Variants in NRXN2 observed in about 807,000 individuals in gnomAD.
NRXN2 encodes the protein neurexin 2, also known as neurexin-2-beta.
In NRXN2, 29 loss-of-function variants were observed where a neutral mutation model predicts 128.8. The observed-to-expected ratio is 0.23, with a 90% confidence interval of 0.17 to 0.31. The LOEUF is 0.31. Ranked by LOEUF, NRXN2 falls within the 10% of genes least tolerant of loss-of-function variation. The pLI is 1.00. For missense variants in NRXN2, 1,881 were observed against 2,452.6 expected (o/e 0.77, Z 4.92); for synonymous variants, 1,098 against 1,075.2 (o/e 1.02, Z -0.41).
intron 6 of NRXN2, among the ~76,000 whole-genome samples, chr11:64,682,945 G>A (rs1406331920): frequency 6.6e-6 from 1 of 152,076 alleles, no homozygotes; most frequent in Non-Finnish European, 1.5e-5. Context: ...ATGATTCCAG[G>A]GATAATTACC....
intron 1 of NRXN2, among the ~76,000 whole-genome samples, chr11:64,717,468 T>C (rs1040835389): frequency 3.3e-5 from 5 of 152,188 alleles, no homozygotes; most frequent in Non-Finnish European, 5.9e-5. Flanking sequence ...TCAGCAGCCT[T>C]GGGCCAGTGG....
At chr11:64,620,870 G>A (rs371981224) in intron 21 of NRXN2, among the ~76,000 whole-genome samples, 1 of 151,322 alleles carries the variant, frequency 6.6e-6, no homozygotes, top group South Asian at 2.1e-4. Flanking sequence ...AGAGAGCCGG[G>A]CTGCACACAG....
chr11:64,677,588 C>T (rs1414354593), intron 6 of NRXN2, among the ~76,000 whole-genome samples: 4 of 152,158 alleles, frequency 2.6e-5, no homozygotes, highest in African/African-American at 7.2e-5. Flanking sequence ...CACACAGAGT[C>T]GGCAACGGGG....
chr11:64,660,229 G>T lies in NRXN2; in HGVS notation c.2389+103C>A. On this transcript the variant is annotated intron_variant, in intron 11 of 22. Coordinates refer to ENST00000265459, the MANE Select transcript of NRXN2 (RefSeq NM_015080.4). The surrounding 1 kb of genome is among the most constrained non-coding windows in gnomAD (Gnocchi z 5.2). ...TCCCCACCTCCAAACTCTGCTGAGG[G>T]CACCTCTTGCTGGTGCCACCACCAG... 7.6e-7 allele frequency: 1 copy of T among 1,314,948 alleles called. No individual in the cohort carries two copies. Among genetic ancestry groups the T allele is most frequent in the Non-Finnish European group, 1.1e-6 (1 of 912,382 alleles). 81.5% of individuals were successfully genotyped at this position (1,314,948 alleles called of 1,614,324 possible). A position where few individuals can be genotyped will look rare whatever the true frequency, so the allele number is the denominator to read the frequency against.
chr11:64,674,735 C>A (rs895815020), intron 7 of NRXN2, among the ~76,000 whole-genome samples: 7 of 152,222 alleles, frequency 4.6e-5, no homozygotes, highest in Non-Finnish European at 7.3e-5. Context: ...GGAAGAGAAT[C>A]ATTTCTTTAC....
At chr11:64,647,947 G>A (rs1440086191) in intron 17 of NRXN2, among the ~76,000 whole-genome samples, 1 of 152,214 alleles carries the variant, frequency 6.6e-6, no homozygotes, top group Non-Finnish European at 1.5e-5. Flanking sequence ...AGGGAGCAGG[G>A]TCCCACCAGC....
intron 6 of NRXN2, among the ~76,000 whole-genome samples, chr11:64,685,346 C>T (rs927955217): frequency 1.3e-5 from 2 of 152,140 alleles, no homozygotes; most frequent in Non-Finnish European, 2.9e-5. Flanking sequence ...ATTTCTTAGC[C>T]CCATCCCTCG....
In NRXN2 at chr11:64,630,191, G is replaced by T. The variant is rs1399065377; in HGVS notation, c.3757+211C>A. Among the ~76,000 whole-genome samples the T allele has an allele frequency of 6.6e-6, 1 of 151,452 alleles. No individual in the cohort carries two copies. The stretch of plus-strand genomic sequence containing the variant: ...TAGGGGGCGCATTCGCACCACCACG[G>T]TCTCGCCCCGCCGCCACAAATCCCG... On this transcript the variant is annotated intron_variant, in intron 19 of 22. Transcript: ENST00000265459. This position sits in a 1 kb window ranked among gnomAD's most constrained non-coding sequence, Gnocchi z 4.6.
Position 64,660,261 on chromosome 11 carries a change from C to T in NRXN2, c.2389+71G>A. The T allele has an allele frequency of 6.5e-7, 1 of 1,543,952 alleles. No homozygotes were observed. Among genetic ancestry groups the T allele is most frequent in the Non-Finnish European group, 8.9e-7 (1 of 1,117,984 alleles). On this transcript the variant is annotated intron_variant, in intron 11 of 22. Transcript: ENST00000265459. This position sits in a 1 kb window ranked among gnomAD's most constrained non-coding sequence, Gnocchi z 5.2. ...TTGCTGGTGCCACCACCAGCTTCTC[C>T]AGACAGAGGCAGGTGTGGGTCAGAG...
At position 64,688,433 on chromosome 11, in the gene NRXN2, G is replaced by C. The variant is rs1240144841; in HGVS notation, c.850+1972C>G. On this transcript the variant is annotated intron_variant, in intron 5 of 22. Coordinates refer to ENST00000265459, the MANE Select transcript of NRXN2 (RefSeq NM_015080.4). ...CCCGAAGATGGTGAGGAGAGAGAGA[G>C]AGAACCTGAGTAGGGGAGGTCGGAG... 4.1e-6 allele frequency: 4 copies of C among 985,346 alleles called. No homozygotes were observed. The African/African-American group carries it at 7.0e-5, about 17-fold the overall frequency. The allele number at this position is 985,346 out of a possible 1,614,324, so 61.0% of individuals were successfully genotyped here.
chr11:64,697,880 A>C, intron 2 of NRXN2, 88 bp from the exon 3 acceptor site: 3 of 1,519,686 alleles, frequency 2.0e-6, no homozygotes, highest in Non-Finnish European at 2.7e-6. Context: ...CAGGGGCTCC[A>C]AGGGGAGAGA....
Position 64,635,543 on chromosome 11 carries a change from C to A in NRXN2, c.3404-91G>T. On this transcript the variant is annotated intron_variant, in intron 17 of 22. Transcript: ENST00000265459. This position sits in a 1 kb window ranked among gnomAD's most constrained non-coding sequence, Gnocchi z 4.8. ...AGGGTTGTGACCAGAGGGATGGAAC[C>A]CCAGGTCTAGATGTGGGACTTCAGC... The A allele has an allele frequency of 1.4e-6, 2 of 1,391,534 alleles. No individual in the cohort carries two copies. Among genetic ancestry groups the A allele is most frequent in the South Asian group, 1.2e-5 (1 of 82,294 alleles). The allele number at this position is 1,391,534 out of a possible 1,614,324, so 86.2% of individuals were successfully genotyped here. A position where few individuals can be genotyped will look rare whatever the true frequency, so the allele number is the denominator to read the frequency against.
intron 7 of NRXN2, among the ~76,000 whole-genome samples, chr11:64,674,085 C>T (rs1218257221): frequency 1.3e-5 from 2 of 151,578 alleles, no homozygotes; most frequent in Non-Finnish European, 2.9e-5. Context: ...TGCCATGTCA[C>T]CCAGGCTAGT....
chr11:64,638,845 G>A (rs2045237141), intron 17 of NRXN2, among the ~76,000 whole-genome samples: 1 of 152,128 alleles, frequency 6.6e-6, no homozygotes, highest in African/African-American at 2.4e-5. Context: ...GTCCAATATA[G>A]TCTCCTCAAT....
intron 17 of NRXN2, among the ~76,000 whole-genome samples, chr11:64,639,869 A>G (rs1399166015): frequency 2.0e-5 from 3 of 152,134 alleles, no homozygotes; most frequent in African/African-American, 7.2e-5. Context: ...TGGCCTGGAA[A>G]GGCCTCCTGA....
At chr11:64,712,237 C>A (rs1278811352) in intron 2 of NRXN2, among the ~76,000 whole-genome samples, 1 of 151,274 alleles carries the variant, frequency 6.6e-6, no homozygotes, top group Non-Finnish European at 1.5e-5. Flanking sequence ...GCCTTCCACA[C>A]AGACCCCACT....
chr11:64,693,762 G>A (rs1362850838), intron 3 of NRXN2, among the ~76,000 whole-genome samples: 1 of 152,126 alleles, frequency 6.6e-6, no homozygotes, highest in Admixed American at 6.5e-5. Flanking sequence ...TGAGAGACTG[G>A]GGTCAGAGCT....
intron 3 of NRXN2, among the ~76,000 whole-genome samples, chr11:64,693,192 C>A (rs1157641614): frequency 8.5e-5 from 1 of 11,792 alleles, no homozygotes; most frequent in East Asian, 1.3e-3. Flanking sequence ...AAGGAGGGGG[C>A]GGGGGGCACT....
chr11:64,718,818 C>T (rs946266211), intron 1 of NRXN2, among the ~76,000 whole-genome samples: 2 of 152,092 alleles, frequency 1.3e-5, no homozygotes, highest in Non-Finnish European at 1.5e-5. Context: ...TCCTTCCAGC[C>T]GTGATGATCT....
Sources: gnomAD v4.1 joint callset for allele counts (sites outside exome capture counted in the v4.1 genomes callset) on GRCh38, gnomAD v4.1.1 for gene constraint, Gnocchi (gnomAD v3.1) non-coding constraint, MANE v1.5 for transcripts, NCBI Gene and HGNC (gene_info 2026-07-23, HGNC 2026-07-21) for gene names.